Variants in TMTC2 observed in about 807,000 individuals in gnomAD.
The protein encoded by TMTC2 is transmembrane O-mannosyltransferase targeting cadherins 2, also known as protein O-mannosyl-transferase TMTC2.
TMTC2 carries 43 observed loss-of-function variants against 82.4 expected under a neutral mutation model. That is an observed-to-expected ratio of 0.52 (90% CI 0.41 to 0.67). TMTC2 has a LOEUF of 0.67. Ranked by LOEUF, TMTC2 falls within the 30% of genes least tolerant of loss-of-function variation. The probability of loss-of-function intolerance (pLI) is 0.00; values close to 1 mark genes in which losing one functional copy is unlikely to be tolerated. For missense variants in TMTC2, 919 were observed against 1,012.4 expected (o/e 0.91, Z 1.25); for synonymous variants, 408 against 381.9 (o/e 1.07, Z -0.80).
At chr12:82,759,225 T>C (rs144108655) in intron 1 of TMTC2, 53 of 152,328 alleles carry the variant, frequency 3.5e-4, no homozygotes, top group African/African-American at 1.3e-3. Flanking sequence ...ATGAAGAGAA[T>C]GTGTCTCAGT....
intron 3 of TMTC2, among the ~76,000 whole-genome samples, chr12:82,904,998 T>TC (rs1306019543): frequency 1.3e-5 from 2 of 151,152 alleles, no homozygotes; most frequent in East Asian, 1.9e-4. Flanking sequence ...TTTTTTTTTT[T>TC]CCTAAAACCT....
intron 9 of TMTC2, among the ~76,000 whole-genome samples, chr12:83,041,061 A>G (rs1881876591): frequency 6.6e-6 from 1 of 151,364 alleles, no homozygotes; most frequent in African/African-American, 2.4e-5. Context: ...CCCTTTTCTC[A>G]TCTGTGCCCC....
chr12:83,082,926 C>T (rs997013854), intron 11 of TMTC2, among the ~76,000 whole-genome samples: 3 of 152,146 alleles, frequency 2.0e-5, no homozygotes, highest in Admixed American at 2.0e-4. Context: ...TCCTGGTAGG[C>T]AATACCGCTT....
chr12:83,084,110 A>T (rs758970288), intron 11 of TMTC2, among the ~76,000 whole-genome samples: 1 of 152,192 alleles, frequency 6.6e-6, no homozygotes, highest in African/African-American at 2.4e-5. Flanking sequence ...GAATGAATTC[A>T]TACTCCTGAA....
At chr12:82,922,188 T>C (rs955630432) in intron 3 of TMTC2, among the ~76,000 whole-genome samples, 2 of 152,184 alleles carry the variant, frequency 1.3e-5, no homozygotes, top group African/African-American at 4.8e-5. Flanking sequence ...TCAATAAAAT[T>C]GCACTTTTAA....
chr12:82,696,281 C>T (rs796470617), intron 1 of TMTC2, among the ~76,000 whole-genome samples: 93 of 152,088 alleles, frequency 6.1e-4, no homozygotes, highest in South Asian at 6.2e-4. Flanking sequence ...TACCTGAATT[C>T]GTTTGGTAAA....
At chr12:83,056,372 A>G (rs1436638923) in intron 10 of TMTC2, among the ~76,000 whole-genome samples, 1 of 151,904 alleles carries the variant, frequency 6.6e-6, no homozygotes, top group Non-Finnish European at 1.5e-5. Context: ...TACCATACCA[A>G]CTGGTTCTAA....
intron 8 of TMTC2, among the ~76,000 whole-genome samples, chr12:83,015,535 T>C (rs1261047270): frequency 6.6e-6 from 1 of 152,160 alleles, no homozygotes; most frequent in African/African-American, 2.4e-5. Context: ...CCTTCTAAGG[T>C]CAAGAGTGTC....
chr12:83,120,382 A>G (rs1285355041), intron 11 of TMTC2, among the ~76,000 whole-genome samples: 2 of 152,192 alleles, frequency 1.3e-5, no homozygotes, highest in African/African-American at 4.8e-5. Flanking sequence ...GTTTGTCTGA[A>G]AAAGACTGTA....
intron 10 of TMTC2, among the ~76,000 whole-genome samples, chr12:83,053,971 G>C (rs1882444603): frequency 6.6e-6 from 1 of 152,042 alleles, no homozygotes; most frequent in South Asian, 2.1e-4. Flanking sequence ...CAGTAGGATT[G>C]CACTTTCCTG....
intron 11 of TMTC2, among the ~76,000 whole-genome samples, chr12:83,124,868 CTG>C (rs1292175270): frequency 6.6e-6 from 1 of 151,958 alleles, no homozygotes; most frequent in Non-Finnish European, 1.5e-5. Context: ...TAAAAAGAAA[CTG>C]AAGATAGGGA....
chr12:82,738,349 T>C (rs1875223502), intron 1 of TMTC2, among the ~76,000 whole-genome samples: 1 of 152,216 alleles, frequency 6.6e-6, no homozygotes, highest in Non-Finnish European at 1.5e-5. Context: ...TCAGACCTCT[T>C]TTCCTTCTAG....
At chr12:82,970,525 G>A (rs1878406981) in intron 7 of TMTC2, among the ~76,000 whole-genome samples, 1 of 149,108 alleles carries the variant, frequency 6.7e-6, no homozygotes, top group South Asian at 2.1e-4. Flanking sequence ...AGTAGAGACG[G>A]GGTTTCACCT....
At chr12:82,822,141 T>C (rs77534229) in intron 1 of TMTC2, among the ~76,000 whole-genome samples, 1,627 of 152,192 alleles carry the variant, frequency 0.011, 31 homozygotes, top group African/African-American at 0.038. Context: ...CAGTAAAAGA[T>C]GAATGGTTGC....
intron 7 of TMTC2, among the ~76,000 whole-genome samples, chr12:82,970,425 G>T (rs1012326047): frequency 3.9e-5 from 6 of 151,940 alleles, no homozygotes; most frequent in African/African-American, 1.5e-4. Flanking sequence ...TCCGCTTCCC[G>T]GGTTCACGCC....
chr12:83,007,348 G>A (rs1470230000), intron 8 of TMTC2, among the ~76,000 whole-genome samples: 1 of 152,034 alleles, frequency 6.6e-6, no homozygotes, highest in Non-Finnish European at 1.5e-5. Flanking sequence ...TCAGTCTTAG[G>A]ACTGCTTTTG....
chr12:82,930,503 CT>C lies in TMTC2; in HGVS notation c.1559del (p.Leu520CysfsTer14), dbSNP rs753920451. The C allele has an allele frequency of 1.2e-6, 2 of 1,604,250 alleles. No homozygotes were observed. The highest frequency in any genetic ancestry group is 3.3e-5 in the Admixed American group (2 of 59,846). ...ISEAESAYRN[A>X]LYYRSNMADM... is the part of the protein sequence containing the mutation. Reference sequence around the variant, plus strand: ...GAAGCTGAAAGCGCCTATAGAAATGCTTTGTACTACCGCAGCAACATGGCTG... The same window carrying C: ...GAAGCTGAAAGCGCCTATAGAAATGCTTGTACTACCGCAGCAACATGGCTG... On this transcript the variant is annotated frameshift_variant, in exon 4 of 12. Coordinates refer to ENST00000321196, the MANE Select transcript of TMTC2 (RefSeq NM_152588.3). LOFTEE classifies it high-confidence loss of function.
In TMTC2 at chr12:83,132,821, C is replaced by T; in HGVS notation, c.*432C>T. On this transcript the variant is annotated 3_prime_UTR_variant, in exon 12 of 12. Coordinates refer to ENST00000321196, the MANE Select transcript of TMTC2 (RefSeq NM_152588.3). ...AAGTGTTACGAGGGAGTGATAAACA[C>T]GTAGTGTGAGTCCCAGTGAGCCGCC... The T allele has an allele frequency of 6.1e-6, 1 of 164,556 alleles. No homozygotes were observed. The highest frequency in any genetic ancestry group is 1.7e-4 in the South Asian group (1 of 5,816). 10.2% of individuals were successfully genotyped at this position (164,556 alleles called of 1,614,324 possible).
intron 1 of TMTC2, among the ~76,000 whole-genome samples, chr12:82,696,606 A>T (rs1439559993): frequency 1.3e-5 from 2 of 152,106 alleles, no homozygotes; most frequent in African/African-American, 4.8e-5. Context: ...TTTTTCTTTT[A>T]TAAACAGTGG....
Sources: allele counts gnomAD v4.1 joint callset (sites outside exome capture counted in the v4.1 genomes callset), GRCh38; gene constraint gnomAD v4.1.1; transcripts MANE v1.5; gene names NCBI Gene and HGNC (gene_info 2026-07-23, HGNC 2026-07-21).